Variants in CABLES1 observed in about 807,000 individuals in gnomAD.
CABLES1 encodes Cdk5 and Abl enzyme substrate 1, also known as CDK5 and ABL1 enzyme substrate 1.
In CABLES1, 36 loss-of-function variants were observed where a neutral mutation model predicts 57.8. The ratio of observed to expected loss-of-function variants is 0.62; its 90% CI spans 0.48 to 0.82. CABLES1 has a LOEUF of 0.82. Among genes scored for constraint, CABLES1 ranks in the 40% least tolerant of loss-of-function variants. The pLI, the probability that CABLES1 is intolerant of heterozygous loss-of-function variation, is 0.00. For missense variants in CABLES1, 767 were observed against 836.6 expected, an observed-to-expected ratio of 0.92 and a Z score of 1.03; for synonymous variants, 374 against 363.0, an observed-to-expected ratio of 1.03 and a Z score of -0.35.
chr18:23,148,892 C>T (rs2046909823), intron 1 of CABLES1, among the ~76,000 whole-genome samples: 1 of 152,084 alleles, frequency 6.6e-6, no homozygotes, highest in Non-Finnish European at 1.5e-5. Context: ...GAAACTATAG[C>T]AGTGCTCTTT....
At chr18:23,220,668 G>A (rs922312448) in intron 4 of CABLES1, among the ~76,000 whole-genome samples, 6 of 152,148 alleles carry the variant, frequency 3.9e-5, no homozygotes, top group Non-Finnish European at 8.8e-5. Flanking sequence ...GATGGAGCTC[G>A]GAGGTCACAG....
chr18:23,215,823 G>A (rs990924770), intron 4 of CABLES1, among the ~76,000 whole-genome samples: 5 of 150,862 alleles, frequency 3.3e-5, no homozygotes, highest in South Asian at 2.1e-4. Flanking sequence ...GTGCGATCTC[G>A]GCTCACTGCA....
At chr18:23,154,535 G>A (rs45575932) in intron 1 of CABLES1, among the ~76,000 whole-genome samples, 8 of 152,282 alleles carry the variant, frequency 5.3e-5, no homozygotes, top group Non-Finnish European at 8.8e-5. Flanking sequence ...GTGTGACTGC[G>A]AAGAGCAAAT....
At chr18:23,195,992 G>A (rs2047279691) in intron 3 of CABLES1, among the ~76,000 whole-genome samples, 1 of 152,160 alleles carries the variant, frequency 6.6e-6, no homozygotes. Flanking sequence ...CAAAGGAATG[G>A]GTCAAGGAGT....
At chr18:23,156,693 A>G (rs1283646919) in intron 1 of CABLES1, among the ~76,000 whole-genome samples, 1 of 152,156 alleles carries the variant, frequency 6.6e-6, no homozygotes, top group East Asian at 1.9e-4. Context: ...TCCTAGGTGC[A>G]TTTCCATTTA....
At chr18:23,219,153 T>G (rs1174703195) in intron 4 of CABLES1, 1 of 454,022 alleles carries the variant, frequency 2.2e-6, no homozygotes, top group Non-Finnish European at 4.4e-6. Context: ...GAGCACCTAC[T>G]GTGTGCTGGG....
chr18:23,211,968 CTG>C (rs1414962070), intron 3 of CABLES1, among the ~76,000 whole-genome samples: 1 of 152,256 alleles, frequency 6.6e-6, no homozygotes, highest in African/African-American at 2.4e-5. Flanking sequence ...ACAGTCCACT[CTG>C]GACATGATGC....
intron 7 of CABLES1, among the ~76,000 whole-genome samples, chr18:23,239,762 A>G (rs372745065): frequency 6.6e-6 from 1 of 152,218 alleles, no homozygotes; most frequent in East Asian, 1.9e-4. Context: ...TGGGGATGTC[A>G]GAGAGTAAAC....
At chr18:23,253,998 AGAAGGATTCGGTCAGTGACCCTGCCTG>A in intron 9 of CABLES1, 62 bp downstream of exon 9, 4 of 1,445,964 alleles carry the variant, frequency 2.8e-6, no homozygotes, top group Non-Finnish European at 2.9e-6. Flanking sequence ...TTCCTCTCTC[AGAAGGATTCGGTCAGTGACCCTGCCTG>A]GAAGGATTCT....
intron 1 of CABLES1, among the ~76,000 whole-genome samples, chr18:23,148,866 G>A (rs908421446): frequency 3.9e-5 from 6 of 152,186 alleles, no homozygotes; most frequent in Admixed American, 1.3e-4. Flanking sequence ...AGTGGTGACA[G>A]GTTGAATGGA....
At chr18:23,216,619 T>C (rs1280943857) in intron 4 of CABLES1, among the ~76,000 whole-genome samples, 1 of 152,228 alleles carries the variant, frequency 6.6e-6, no homozygotes, top group East Asian at 1.9e-4. Flanking sequence ...TGAGCTTCCA[T>C]TGGCTCCTCT....
chr18:23,210,889 G>T (rs990687220), intron 3 of CABLES1, among the ~76,000 whole-genome samples: 3 of 152,086 alleles, frequency 2.0e-5, no homozygotes, highest in African/African-American at 7.2e-5. Context: ...GGGGAAGGAG[G>T]TGTGATACTC....
At chr18:23,155,929 A>T in intron 1 of CABLES1, 3 of 1,614,180 alleles carry the variant, frequency 1.9e-6, no homozygotes, top group Non-Finnish European at 2.5e-6. Flanking sequence ...GCTGCCATGC[A>T]AGAATATATG....
intron 3 of CABLES1, among the ~76,000 whole-genome samples, chr18:23,209,026 C>T (rs1413380603): frequency 6.6e-6 from 1 of 152,222 alleles, no homozygotes; most frequent in East Asian, 1.9e-4. Flanking sequence ...TACTTGATAA[C>T]ATCTGCAAAG....
intron 4 of CABLES1, among the ~76,000 whole-genome samples, chr18:23,220,430 G>A (rs1224973641): frequency 6.6e-6 from 1 of 152,094 alleles, no homozygotes; most frequent in Non-Finnish European, 1.5e-5. Flanking sequence ...GAAAGGCTTA[G>A]CAACTGCCCA....
chr18:23,224,796 C>T (rs915275640), intron 4 of CABLES1, among the ~76,000 whole-genome samples: 2 of 152,036 alleles, frequency 1.3e-5, no homozygotes, highest in Admixed American at 1.3e-4. Flanking sequence ...GTCTCGATCT[C>T]CTGACCTCGT....
chr18:23,173,149 A>G (rs903337704), intron 1 of CABLES1, among the ~76,000 whole-genome samples: 9 of 152,200 alleles, frequency 5.9e-5, no homozygotes, highest in African/African-American at 2.2e-4. Flanking sequence ...GCTGAGTGAC[A>G]CGCGGCTCTG....
chr18:23,216,045 C>T (rs576969071), intron 4 of CABLES1, among the ~76,000 whole-genome samples: 4 of 152,306 alleles, frequency 2.6e-5, no homozygotes, highest in African/African-American at 9.6e-5. Flanking sequence ...TGAGCCACCA[C>T]GCCCGGCCAA....
chr18:23,175,689 T>C (rs1383039566), intron 1 of CABLES1, among the ~76,000 whole-genome samples: 1 of 152,178 alleles, frequency 6.6e-6, no homozygotes, highest in African/African-American at 2.4e-5. Flanking sequence ...GCTCAAGCCA[T>C]CTGCCCACCT....
Sources: allele counts gnomAD v4.1 joint callset (sites outside exome capture counted in the v4.1 genomes callset), GRCh38; gene constraint gnomAD v4.1.1; transcripts MANE v1.5; gene names NCBI Gene and HGNC (gene_info 2026-07-23, HGNC 2026-07-21).